The following PCDH15 variants were observed in gnomAD, a reference collection of about 807,000 sequenced individuals.
The protein encoded by PCDH15 is protocadherin-15.
In PCDH15, 129 loss-of-function variants were observed where a neutral mutation model predicts 178.5. The ratio of observed to expected loss-of-function variants is 0.72; its 90% confidence interval spans 0.63 to 0.84. The LOEUF (loss-of-function observed/expected upper bound fraction) is 0.84, where lower values mean the gene tolerates loss of function less well. Ranked by LOEUF, PCDH15 falls within the 40% of genes least tolerant of loss-of-function variation. PCDH15 has a pLI of 0.00. For missense variants in PCDH15, 2,230 were observed against 2,099.9 expected (o/e 1.06, Z -1.21); for synonymous variants, 800 against 732.0 (o/e 1.09, Z -1.50).
intron 20 of PCDH15, among the ~76,000 whole-genome samples, chr10:54,004,660 A>G (rs940372174): frequency 3.3e-5 from 5 of 152,238 alleles, no homozygotes; most frequent in Admixed American, 1.3e-4. Flanking sequence ...TGAAGAGAAC[A>G]CAAAAGAATG....
In PCDH15 at chr10:54,891,667, G is replaced by A. The variant is rs376830444; in HGVS notation, c.-29+5783C>T. 1.7e-4 allele frequency among the ~76,000 whole-genome samples: 26 copies of A among 152,244 alleles called. No homozygotes were observed. The East Asian group carries it at 4.4e-3, about 26-fold the overall frequency. Reference sequence around the variant, plus strand: ...CTTTGTAGTTTATTATTGTCAAAAAGAGGGGCACTCTGAATTCTAAGCTTT... The same window carrying A: ...CTTTGTAGTTTATTATTGTCAAAAAAAGGGGCACTCTGAATTCTAAGCTTT... On this transcript the variant is annotated intron_variant, in intron 3 of 5. Coordinates refer to the PCDH15 transcript ENST00000458638.
intron 23 of PCDH15, among the ~76,000 whole-genome samples, chr10:53,945,255 A>C (rs535854675): frequency 6.6e-6 from 1 of 152,288 alleles, no homozygotes; most frequent in East Asian, 1.9e-4. Flanking sequence ...CCTCCCAGAA[A>C]AGTTCAATGG....
At chr10:54,492,861 G>A (rs1318650293) in intron 3 of PCDH15, among the ~76,000 whole-genome samples, 1 of 152,078 alleles carries the variant, frequency 6.6e-6, no homozygotes, top group African/African-American at 2.4e-5. Context: ...AGACATACCT[G>A]AGACTGGGCG....
At chr10:54,761,964 T>C (rs561780282) in intron 1 of PCDH15, among the ~76,000 whole-genome samples, 12 of 152,080 alleles carry the variant, frequency 7.9e-5, no homozygotes, top group Non-Finnish European at 1.6e-4. Context: ...AACATATATA[T>C]ATGTATATGT....
At chr10:54,444,594 T>G (rs2076033308) in intron 3 of PCDH15, among the ~76,000 whole-genome samples, 1 of 151,730 alleles carries the variant, frequency 6.6e-6, no homozygotes, top group African/African-American at 2.4e-5. Flanking sequence ...TGAGAGTACC[T>G]GACAGACTGA....
chr10:54,024,507 T>A (rs1240894453), intron 18 of PCDH15, among the ~76,000 whole-genome samples: 1 of 152,184 alleles, frequency 6.6e-6, no homozygotes, highest in Non-Finnish European at 1.5e-5. Flanking sequence ...AATATTTGCA[T>A]CTTCTTTGAA....
At chr10:54,780,857 G>A (rs549540308) in intron 1 of PCDH15, among the ~76,000 whole-genome samples, 36 of 151,950 alleles carry the variant, frequency 2.4e-4, no homozygotes, top group African/African-American at 6.7e-4. Context: ...ATAGATGCCC[G>A]ATTGTCAACA....
At chr10:55,181,940 C>A (rs1389019599) in intron 1 of PCDH15, among the ~76,000 whole-genome samples, 2 of 151,928 alleles carry the variant, frequency 1.3e-5, no homozygotes, top group Non-Finnish European at 2.9e-5. Context: ...CTTTACTAGA[C>A]TTAAATCTCT....
At chr10:54,714,735 A>G (rs977501741) in intron 1 of PCDH15, among the ~76,000 whole-genome samples, 5 of 152,118 alleles carry the variant, frequency 3.3e-5, no homozygotes, top group Admixed American at 1.3e-4. Context: ...AAGACCATCC[A>G]TTTGATATAT....
At chr10:54,678,042 T>C (rs988391428) in intron 1 of PCDH15, among the ~76,000 whole-genome samples, 5 of 152,214 alleles carry the variant, frequency 3.3e-5, no homozygotes, top group African/African-American at 1.2e-4. Flanking sequence ...TGTACCAGGA[T>C]GCTGAGGATA....
At chr10:55,003,665 T>G (rs1839851417) in intron 2 of PCDH15, among the ~76,000 whole-genome samples, 1 of 152,198 alleles carries the variant, frequency 6.6e-6, no homozygotes, top group Non-Finnish European at 1.5e-5. Flanking sequence ...AGGACACAAT[T>G]GTAGGAACTG....
At chr10:54,123,756 G>A (rs2041756368) in intron 15 of PCDH15, among the ~76,000 whole-genome samples, 2 of 151,998 alleles carry the variant, frequency 1.3e-5, no homozygotes, top group South Asian at 4.2e-4. Flanking sequence ...ATCAACCTAG[G>A]TGCCCATCGG....
intron 2 of PCDH15, among the ~76,000 whole-genome samples, chr10:54,586,515 CCATAT>C (rs2091478889): frequency 6.6e-6 from 1 of 152,088 alleles, no homozygotes; most frequent in South Asian, 2.1e-4. Context: ...ATAACATAGA[CCATAT>C]CATATTTTTT....
intron 1 of PCDH15, among the ~76,000 whole-genome samples, chr10:54,795,787 A>G (rs1395191370): frequency 6.6e-6 from 1 of 151,928 alleles, no homozygotes; most frequent in Non-Finnish European, 1.5e-5. Flanking sequence ...GGGTTGAAAC[A>G]AGGATTTAAC....
chr10:54,073,169 T>C (rs1022335625), intron 17 of PCDH15, among the ~76,000 whole-genome samples: 15 of 151,662 alleles, frequency 9.9e-5, no homozygotes, highest in African/African-American at 3.4e-4. Flanking sequence ...CAATCGTGCA[T>C]GTTTTTATAT....
chr10:53,863,426 A>G (rs1214731419), intron 27 of PCDH15, among the ~76,000 whole-genome samples: 1 of 152,136 alleles, frequency 6.6e-6, no homozygotes, highest in Non-Finnish European at 1.5e-5. Flanking sequence ...TTCAAGTAAG[A>G]TAAGGACTGG....
intron 1 of PCDH15, among the ~76,000 whole-genome samples, chr10:54,712,168 C>A (rs1272497852): frequency 6.6e-6 from 1 of 151,700 alleles, no homozygotes; most frequent in Non-Finnish European, 1.5e-5. Context: ...TTTTCCTTTA[C>A]TTAATCTTCA....
At chr10:54,989,450 C>T (rs548100138) in intron 2 of PCDH15, among the ~76,000 whole-genome samples, 121 of 152,332 alleles carry the variant, frequency 7.9e-4, no homozygotes, top group Non-Finnish European at 1.4e-3. Flanking sequence ...AGGCTACATC[C>T]TGCAAAGCCA....
chr10:55,361,878 C>T (rs1195974505), intron 2 of PCDH15, among the ~76,000 whole-genome samples: 3 of 152,120 alleles, frequency 2.0e-5, no homozygotes, highest in Non-Finnish European at 4.4e-5. Context: ...TACCCAAGAT[C>T]ATATAAAATA....
Sources: gnomAD v4.1 joint callset for allele counts (sites outside exome capture counted in the v4.1 genomes callset) on GRCh38, gnomAD v4.1.1 for gene constraint, MANE v1.5 for transcripts, NCBI Gene and HGNC (gene_info 2026-07-23, HGNC 2026-07-21) for gene names.